The following BACH2 variants were observed in gnomAD, a reference collection of about 807,000 sequenced individuals.
BACH2 encodes the protein BACH transcriptional regulator 2, also known as transcription regulator protein BACH2.
In BACH2, 5 loss-of-function variants were observed where a neutral mutation model predicts 61.8. That is an observed-to-expected ratio of 0.08 (90% CI 0.04 to 0.17). The LOEUF is 0.17. BACH2 is among the 10% of genes least tolerant of loss of function. BACH2 has a pLI of 1.00. For missense variants in BACH2, 824 were observed against 1,091.1 expected (o/e 0.76, Z 3.45); for synonymous variants, 446 against 440.1 (o/e 1.01, Z -0.17).
chr6:89,933,219 T>C (rs554980892), intron 8 of BACH2, among the ~76,000 whole-genome samples: 20 of 151,742 alleles, frequency 1.3e-4, no homozygotes, highest in Non-Finnish European at 2.5e-4. Flanking sequence ...TTGTAGAGAG[T>C]TAAATGAAAA....
chr6:90,235,126 A>C (rs573131649), intron 3 of BACH2, among the ~76,000 whole-genome samples: 2 of 152,352 alleles, frequency 1.3e-5, no homozygotes, highest in South Asian at 4.1e-4. Flanking sequence ...TGCAAGCAAA[A>C]GAGATTTAAC....
chr6:90,116,798 G>T, intron 4 of BACH2: 1 of 493,328 alleles, frequency 2.0e-6, no homozygotes, highest in Non-Finnish European at 3.7e-6. Context: ...ATAGGTCCCT[G>T]GATACACTTC....
chr6:90,075,971 G>T (rs569300158), intron 5 of BACH2, among the ~76,000 whole-genome samples: 2 of 152,170 alleles, frequency 1.3e-5, no homozygotes, highest in African/African-American at 2.4e-5. Flanking sequence ...GGTAAGAGAC[G>T]ATCCAGAGAT....
intron 3 of BACH2, among the ~76,000 whole-genome samples, chr6:90,220,707 G>A (rs575777352): frequency 7.9e-5 from 12 of 152,254 alleles, no homozygotes; most frequent in African/African-American, 1.9e-4. Flanking sequence ...AGATGATGGC[G>A]TCTATTAAAT....
chr6:89,973,421 A>G (rs1775480248), intron 6 of BACH2, among the ~76,000 whole-genome samples: 1 of 152,188 alleles, frequency 6.6e-6, no homozygotes. Flanking sequence ...GCAACCTACC[A>G]AACCTACCAG....
At chr6:89,939,623 CCTTA>C (rs1477065781) in intron 7 of BACH2, among the ~76,000 whole-genome samples, 1 of 148,750 alleles carries the variant, frequency 6.7e-6, no homozygotes, top group East Asian at 2.0e-4. Context: ...GGGTTTGTAT[CCTTA>C]CTATGTTGTT....
At chr6:90,218,539 G>C (rs1769623131) in intron 3 of BACH2, among the ~76,000 whole-genome samples, 1 of 143,198 alleles carries the variant, frequency 7.0e-6, no homozygotes, top group African/African-American at 2.6e-5. Context: ...CTGCCTCACT[G>C]TGTTTTTGTG....
At chr6:90,265,335 C>G (rs1280520133) in intron 2 of BACH2, among the ~76,000 whole-genome samples, 1 of 152,176 alleles carries the variant, frequency 6.6e-6, no homozygotes, top group East Asian at 1.9e-4. Context: ...AAATAGGATA[C>G]TAAACCACTT....
chr6:90,056,704 T>C (rs1000670248), intron 5 of BACH2, among the ~76,000 whole-genome samples: 17 of 152,094 alleles, frequency 1.1e-4, no homozygotes, highest in African/African-American at 2.7e-4. Flanking sequence ...TACTCCAAAA[T>C]TGACCACATA....
chr6:90,261,665 C>A (rs1372924439), intron 2 of BACH2, among the ~76,000 whole-genome samples: 1 of 152,146 alleles, frequency 6.6e-6, no homozygotes, highest in Non-Finnish European at 1.5e-5. Context: ...CCTTCTAAAG[C>A]TTCTTTTTAT....
chr6:90,136,371 A>G (rs1358080162), intron 4 of BACH2, among the ~76,000 whole-genome samples: 1 of 152,234 alleles, frequency 6.6e-6, no homozygotes, highest in Non-Finnish European at 1.5e-5. Context: ...ATCCTTGCCA[A>G]CTGCAGCAGT....
intron 1 of BACH2, among the ~76,000 whole-genome samples, chr6:90,281,614 T>C (rs1458957287): frequency 6.6e-6 from 1 of 152,096 alleles, no homozygotes; most frequent in Non-Finnish European, 1.5e-5. Context: ...TATCCCTAAA[T>C]AACATATTTA....
At chr6:90,294,487 A>G (rs909068305) in intron 1 of BACH2, among the ~76,000 whole-genome samples, 3 of 152,198 alleles carry the variant, frequency 2.0e-5, no homozygotes, top group Non-Finnish European at 4.4e-5. Flanking sequence ...TCAGCCACTC[A>G]AAGTTTTGTG....
chr6:90,060,890 C>A (rs1427003588), intron 5 of BACH2, among the ~76,000 whole-genome samples: 1 of 152,154 alleles, frequency 6.6e-6, no homozygotes, highest in African/African-American at 2.4e-5. Flanking sequence ...CACACAAACA[C>A]AAGGGATGGC....
intron 1 of BACH2, among the ~76,000 whole-genome samples, chr6:90,282,323 T>C (rs1032021611): frequency 1.3e-5 from 2 of 152,152 alleles, no homozygotes; most frequent in African/African-American, 4.8e-5. Context: ...CACCCTCTAA[T>C]AGGTCTCAGT....
chr6:90,232,580 G>A (rs572378379), intron 3 of BACH2, among the ~76,000 whole-genome samples: 88 of 152,306 alleles, frequency 5.8e-4, no homozygotes, highest in African/African-American at 2.1e-3. Context: ...ACATATGATA[G>A]ATCATACTAT....
intron 5 of BACH2, among the ~76,000 whole-genome samples, chr6:90,031,395 G>A (rs58644487): frequency 0.088 from 13,325 of 152,078 alleles, 1,873 homozygotes; most frequent in African/African-American, 0.3. Flanking sequence ...ATTCAATTAG[G>A]AAAAGAGGAA....
intron 1 of BACH2, among the ~76,000 whole-genome samples, chr6:90,279,522 C>CA (rs10637718): frequency 0.25 from 31,164 of 124,064 alleles, 4,697 homozygotes; most frequent in East Asian, 0.51. Flanking sequence ...GACTCCGTCT[C>CA]AAAAAAAAAA....
intron 6 of BACH2, among the ~76,000 whole-genome samples, chr6:89,988,272 C>T (rs1776350836): frequency 6.6e-6 from 1 of 152,188 alleles, no homozygotes; most frequent in Non-Finnish European, 1.5e-5. Context: ...ATTTATACAG[C>T]ATTTTTCCAG....
Sources: allele counts gnomAD v4.1 joint callset (sites outside exome capture counted in the v4.1 genomes callset), GRCh38; gene constraint gnomAD v4.1.1; transcripts MANE v1.5; gene names NCBI Gene and HGNC (gene_info 2026-07-23, HGNC 2026-07-21).